MRPS24: variants seen among roughly 807,000 people sequenced by gnomAD.
MRPS24 encodes the protein mitochondrial ribosomal protein S24, also known as small ribosomal subunit protein uS3m.
A neutral mutation model predicts 21.8 loss-of-function variants in MRPS24; 15 were observed. That is an observed-to-expected ratio of 0.69 (90% CI 0.46 to 1.06). The LOEUF (loss-of-function observed/expected upper bound fraction) is 1.06. Among genes scored for constraint, MRPS24 ranks in the 50% least tolerant of loss-of-function variants. The pLI is 0.00. For missense variants in MRPS24, 224 were observed against 219.1 expected, an observed-to-expected ratio of 1.02 and a Z score of -0.14; for synonymous variants, 93 against 93.7, an observed-to-expected ratio of 0.99 and a Z score of 0.04.
In MRPS24 at chr7:43,869,172, A is replaced by G; in HGVS notation, c.109-98T>C. On this transcript the variant is annotated intron_variant, in intron 2 of 3. Transcript: ENST00000317534. The surrounding 1 kb of genome is among the most constrained non-coding windows in gnomAD (Gnocchi z 4.8). ...TCAGCTGGCACTGTTCCCCGGCCCC[A>G]ATCCCCTGATCCCTAAGCCCCGACC... 6.9e-7 allele frequency: 1 copy of G among 1,457,662 alleles called. No individual in the cohort carries two copies. Among genetic ancestry groups the G allele is most frequent in the Non-Finnish European group, 9.1e-7 (1 of 1,104,794 alleles). The allele number at this position is 1,457,662 out of a possible 1,614,324, so 90.3% of individuals were successfully genotyped here.
Position 43,866,824 on chromosome 7 carries a change from A to C in MRPS24, c.379T>G (p.Leu127Val), listed in dbSNP as rs2095836715. ...AGGAAGTAGTACTTGTGTGGAGACAACTGCCTCAGGACCACGGCACAGATC... is the reference window on the plus strand; with the variant it reads ...AGGAAGTAGTACTTGTGTGGAGACACCTGCCTCAGGACCACGGCACAGATC... ...LEICAVVLRQ[L>V]SPHKYYFLVG... The change falls in exon 4 of 4, where the codon TTG (leucine) becomes GTG (valine). Residue 127 changes from leucine (L) to valine (V), a missense_variant. By Grantham distance (32) the Leu-to-Val change is conservative. Transcript: ENST00000317534. The C allele has an allele frequency of 6.2e-7, 1 of 1,614,138 alleles. No homozygotes were observed. Among genetic ancestry groups the C allele is most frequent in the African/African-American group, 1.3e-5 (1 of 74,938 alleles).
Position 43,866,998 on chromosome 7 carries a change from C to A in MRPS24, c.221-16G>T, listed in dbSNP as rs779700630. On this transcript the variant is annotated splice_polypyrimidine_tract_variant and intron_variant, in intron 3 of 3. Transcript: ENST00000317534. ...TCCAGGTTACCTGAAGAGGGAAGGG[C>A]ATAATAGAAGAATCAGCCTCATTGC... 1.9e-6 allele frequency: 3 copies of A among 1,611,640 alleles called. No individual in the cohort carries two copies. Among genetic ancestry groups the A allele is most frequent in the Non-Finnish European group, 2.5e-6 (3 of 1,178,300 alleles).
intron 3 of MRPS24, among the ~76,000 whole-genome samples, chr7:43,867,391 C>T (rs1271177823): frequency 2.6e-5 from 4 of 152,096 alleles, no homozygotes; most frequent in Admixed American, 1.3e-4. Context: ...CCCAGGGCTT[C>T]CACCAGTGGG....
In MRPS24 at chr7:43,869,260, G is replaced by GCCCCCCC; in HGVS notation, c.108+47_108+48insGGGGGGG. Reference sequence around the variant, plus strand: ...AGCCCGCACGGCTTCCCCGGCCCCCGGCCCCCCGGCCCCCAGGCCCCCAGG... The same window carrying GCCCCCCC: ...AGCCCGCACGGCTTCCCCGGCCCCCGCCCCCCCGCCCCCCGGCCCCCAGGCCCCCAGG... On this transcript the variant is annotated intron_variant, in intron 2 of 3. Transcript: ENST00000317534. The surrounding 1 kb of genome is among the most constrained non-coding windows in gnomAD (Gnocchi z 4.8). The GCCCCCCC allele has an allele frequency of 7.7e-6, 6 of 782,734 alleles. No homozygotes were observed. Among genetic ancestry groups the GCCCCCCC allele is most frequent in the South Asian group, 2.0e-5 (1 of 50,768 alleles). 48.5% of individuals were successfully genotyped at this position (782,734 alleles called of 1,614,324 possible).
chr7:43,869,435 C>G lies in MRPS24; in HGVS notation c.39+22G>C. On this transcript the variant is annotated intron_variant, in intron 1 of 3. Transcript: ENST00000317534. This position sits in a 1 kb window ranked among gnomAD's most constrained non-coding sequence, Gnocchi z 4.8. ...GGACCCCACCTCCGACTCGCAGGGA[C>G]CTGCCGAGTCGCCCCACTCACCCGT... 1 of 1,556,600 alleles carries G rather than the reference C, an allele frequency of 6.4e-7. No individual in the cohort carries two copies. The highest frequency in any genetic ancestry group is 8.7e-7 in the Non-Finnish European group (1 of 1,150,958).
rs772348706 is a variant in MRPS24 at position 43,869,267 on chromosome 7, C to CGGCCCCCA, written c.108+33_108+40dup. On this transcript the variant is annotated intron_variant, in intron 2 of 3. Transcript: ENST00000317534. The surrounding 1 kb of genome is among the most constrained non-coding windows in gnomAD (Gnocchi z 4.8). The stretch of plus-strand genomic sequence containing the variant: ...ACGGCTTCCCCGGCCCCCGGCCCCC[C>CGGCCCCCA]GGCCCCCAGGCCCCCAGGCCCCTGC... 37 of 1,460,702 alleles carry CGGCCCCCA rather than the reference C, an allele frequency of 2.5e-5. No homozygotes were observed. Among genetic ancestry groups the CGGCCCCCA allele is most frequent in the Middle Eastern group, 4.9e-4 (2 of 4,068 alleles). The allele number at this position is 1,460,702 out of a possible 1,614,324, so 90.5% of individuals were successfully genotyped here. A position where few individuals can be genotyped will look rare whatever the true frequency, so the allele number is the denominator to read the frequency against.
chr7:43,868,898 G>T, intron 3 of MRPS24, 65 bp downstream of exon 3: 1 of 1,567,250 alleles, frequency 6.4e-7, no homozygotes, highest in Non-Finnish European at 8.7e-7. Context: ...CCTGTGACAC[G>T]TGTTCATTTT....
At chr7:43,867,017 T>C (rs747495931) in intron 3 of MRPS24, 35 bp from the exon 4 acceptor site, 1 of 1,603,104 alleles carries the variant, frequency 6.2e-7, no homozygotes, top group Non-Finnish European at 8.5e-7. Context: ...AGAATCAGCC[T>C]CATTGCCCCA....
intron 3 of MRPS24, 86 bp downstream of exon 3, chr7:43,868,876 AG>A: frequency 6.7e-7 from 1 of 1,488,822 alleles, no homozygotes; most frequent in Non-Finnish European, 9.1e-7. Flanking sequence ...TTATTTCCTG[AG>A]TTAAAGAAAA....
Position 43,869,179 on chromosome 7 carries a change from T to A in MRPS24, c.109-105A>T. 1.4e-6 allele frequency: 2 copies of A among 1,450,572 alleles called. No individual in the cohort carries two copies. The highest frequency in any genetic ancestry group is 1.8e-6 in the Non-Finnish European group (2 of 1,094,638). 89.9% of individuals were successfully genotyped at this position (1,450,572 alleles called of 1,614,324 possible). A position where few individuals can be genotyped will look rare whatever the true frequency, so the allele number is the denominator to read the frequency against. On this transcript the variant is annotated intron_variant, in intron 2 of 3. Coordinates refer to ENST00000317534, the MANE Select transcript of MRPS24 (RefSeq NM_032014.3). This position sits in a 1 kb window ranked among gnomAD's most constrained non-coding sequence, Gnocchi z 4.8. The stretch of plus-strand genomic sequence containing the variant: ...GCACTGTTCCCCGGCCCCAATCCCC[T>A]GATCCCTAAGCCCCGACCCTAGCCC...
chr7:43,869,431 G>A lies in MRPS24; in HGVS notation c.39+26C>T. On this transcript the variant is annotated intron_variant, in intron 1 of 3. Coordinates refer to ENST00000317534, the MANE Select transcript of MRPS24 (RefSeq NM_032014.3). The surrounding 1 kb of genome is among the most constrained non-coding windows in gnomAD (Gnocchi z 4.8). ...CTAGGGACCCCACCTCCGACTCGCAGGGACCTGCCGAGTCGCCCCACTCAC... is the reference window on the plus strand; with the variant it reads ...CTAGGGACCCCACCTCCGACTCGCAAGGACCTGCCGAGTCGCCCCACTCAC... 1 of 1,554,780 alleles carries A rather than the reference G, an allele frequency of 6.4e-7. No individual in the cohort carries two copies. The highest frequency in any genetic ancestry group is 8.7e-7 in the Non-Finnish European group (1 of 1,149,798).
chr7:43,869,330 T>C lies in MRPS24; in HGVS notation c.86A>G (p.His29Arg). 6.5e-7 allele frequency: 1 copy of C among 1,541,986 alleles called. No homozygotes were observed. The highest frequency in any genetic ancestry group is 2.5e-5 in the East Asian group (1 of 40,544). Residue 29 changes from histidine to arginine, a missense_variant, in exon 2 of 4, where the codon CAC becomes CGC. Coordinates refer to ENST00000317534, the MANE Select transcript of MRPS24 (RefSeq NM_032014.3). The surrounding 1 kb of genome is among the most constrained non-coding windows in gnomAD (Gnocchi z 4.8). ...RELPCAWRAL[H>R]TSPVCAKNRA... ...CACCTTGGCGCAGACCGGGGAGGTG[T>C]GCAGGGCGCGCCAAGCGCAAGGCAG... is the stretch of plus-strand genomic sequence containing the variant.
Position 43,866,918 on chromosome 7 carries a change from G to A in MRPS24, c.285C>T (p.Phe95=). ...RTVEDVFLRK[F]MWGTFPGCLA... ...GGCAGCCTGGGAAGGTACCCCACAT[G>A]AACTTGCGAAGGAAAACATCCTCCA... Residue 95 remains phenylalanine (F), a synonymous_variant, in exon 4 of 4, where the codon TTC becomes TTT. Transcript: ENST00000317534. 6.2e-7 allele frequency: 1 copy of A among 1,614,158 alleles called. No individual in the cohort carries two copies. The highest frequency in any genetic ancestry group is 8.5e-7 in the Non-Finnish European group (1 of 1,180,014).
rs780444917 is a variant in MRPS24, at chr7:43,869,011, C to G, written c.172G>C (p.Ala58Pro). The G allele has an allele frequency of 1.9e-6, 3 of 1,614,034 alleles. No individual in the cohort carries two copies. Among genetic ancestry groups the G allele is most frequent in the South Asian group, 1.1e-5 (1 of 91,084 alleles). ...DKPVTYEEAHAPHYIAHRKGW... is the reference protein window; with the variant it reads ...DKPVTYEEAHPPHYIAHRKGW... ...TTACGGTGGGCGATGTAGTGCGGCG[C>G]GTGTGCCTCCTCGTAGGTCACCGGC... The change falls in exon 3 of 4, where the codon GCG becomes CCG. Residue 58 changes from alanine (A) to proline (P), a missense_variant. Coordinates refer to ENST00000317534, the MANE Select transcript of MRPS24 (RefSeq NM_032014.3). The surrounding 1 kb of genome is among the most constrained non-coding windows in gnomAD (Gnocchi z 4.8).
At position 43,869,243 on chromosome 7, in the gene MRPS24, C is replaced by G; in HGVS notation, c.108+65G>C. ...AGCGACACGCCCCCTTCAGCCCGCACGGCTTCCCCGGCCCCCGGCCCCCCG... is the reference window on the plus strand; with the variant it reads ...AGCGACACGCCCCCTTCAGCCCGCAGGGCTTCCCCGGCCCCCGGCCCCCCG... On this transcript the variant is annotated intron_variant, in intron 2 of 3. Coordinates refer to ENST00000317534, the MANE Select transcript of MRPS24 (RefSeq NM_032014.3). This position sits in a 1 kb window ranked among gnomAD's most constrained non-coding sequence, Gnocchi z 4.8. 6.7e-7 allele frequency: 1 copy of G among 1,487,714 alleles called. No homozygotes were observed. The highest frequency in any genetic ancestry group is 8.9e-7 in the Non-Finnish European group (1 of 1,123,592). 92.2% of individuals were successfully genotyped at this position (1,487,714 alleles called of 1,614,324 possible).
chr7:43,868,807 T>G, intron 3 of MRPS24, 156 bp downstream of exon 3: 1 of 983,092 alleles, frequency 1.0e-6, no homozygotes, highest in Non-Finnish European at 1.5e-6. Flanking sequence ...CTGATCTATA[T>G]ATATCTCTGC....
chr7:43,869,308 C>T lies in MRPS24; in HGVS notation c.108G>A (p.Lys36=). ...AGGCCCCTGCCCCGGCGGTGCTCAC[C>T]TTGGCGCAGACCGGGGAGGTGTGCA... ...RALHTSPVCA[K]NRAARVRVSK... Residue 36 remains lysine, a splice_region_variant and synonymous_variant, in exon 2 of 4, where the codon AAG becomes AAA. Coordinates refer to ENST00000317534, the MANE Select transcript of MRPS24 (RefSeq NM_032014.3). The surrounding 1 kb of genome is among the most constrained non-coding windows in gnomAD (Gnocchi z 4.8). The T allele has an allele frequency of 1.3e-6, 2 of 1,542,520 alleles. No homozygotes were observed. The highest frequency in any genetic ancestry group is 1.7e-6 in the Non-Finnish European group (2 of 1,146,148).
At position 43,869,409 on chromosome 7, in the gene MRPS24, G is replaced by C. The variant is rs1225607289; in HGVS notation, c.40-33C>G. ...GGGAGGGCGCGTGAGGCGGAAACTA[G>C]GGACCCCACCTCCGACTCGCAGGGA... On this transcript the variant is annotated intron_variant, in intron 1 of 3. Coordinates refer to ENST00000317534, the MANE Select transcript of MRPS24 (RefSeq NM_032014.3). This position sits in a 1 kb window ranked among gnomAD's most constrained non-coding sequence, Gnocchi z 4.8. 1.3e-6 allele frequency: 2 copies of C among 1,551,070 alleles called. No individual in the cohort carries two copies. Among genetic ancestry groups the C allele is most frequent in the African/African-American group, 1.4e-5 (1 of 73,092 alleles).
At position 43,869,267 on chromosome 7, in the gene MRPS24, C is replaced by CG; in HGVS notation, c.108+40dup. The CG allele has an allele frequency of 1.3e-5, 19 of 1,460,192 alleles. No individual in the cohort carries two copies. Among genetic ancestry groups the CG allele is most frequent in the Non-Finnish European group, 1.6e-5 (18 of 1,107,082 alleles). The allele number at this position is 1,460,192 out of a possible 1,614,324, so 90.5% of individuals were successfully genotyped here. ...ACGGCTTCCCCGGCCCCCGGCCCCCCGGCCCCCAGGCCCCCAGGCCCCTGC... is the reference window on the plus strand; with the variant it reads ...ACGGCTTCCCCGGCCCCCGGCCCCCCGGGCCCCCAGGCCCCCAGGCCCCTGC... On this transcript the variant is annotated intron_variant, in intron 2 of 3. Transcript: ENST00000317534. This position sits in a 1 kb window ranked among gnomAD's most constrained non-coding sequence, Gnocchi z 4.8.
Sources: allele counts gnomAD v4.1 joint callset (sites outside exome capture counted in the v4.1 genomes callset), GRCh38; gene constraint gnomAD v4.1.1; non-coding constraint Gnocchi (gnomAD v3.1); transcripts MANE v1.5; gene names NCBI Gene and HGNC (gene_info 2026-07-23, HGNC 2026-07-21).